EIF4H: variants seen among roughly 807,000 people sequenced by gnomAD.
EIF4H encodes Williams-Beuren syndrome chromosome region 1.
A neutral mutation model predicts 30.6 loss-of-function variants in EIF4H; 8 were observed. The ratio of observed to expected loss-of-function variants is 0.26; its 90% CI spans 0.15 to 0.47. The LOEUF (loss-of-function observed/expected upper bound fraction) is 0.47. EIF4H is among the 20% of genes least tolerant of loss of function. The pLI, the probability that EIF4H is intolerant of heterozygous loss-of-function variation, is 0.99. For missense variants in EIF4H, 188 were observed against 339.5 expected (o/e 0.55, Z 3.51); for synonymous variants, 106 against 122.7 (o/e 0.86, Z 0.90).
Position 74,190,289 on chromosome 7 carries a change from G to T in EIF4H, c.452G>T (p.Arg151Leu), listed in dbSNP as rs61732247. ...GAATCTAGAGGTGGATGGGATTCCC[G>T]GGATGACTTCAATTCTGGTATCAGT... is the stretch of plus-strand genomic sequence containing the variant. Reference protein sequence around the residue: ...SRESRGGWDSRDDFNSGFRDD... With the variant: ...SRESRGGWDSLDDFNSGFRDD... Residue 151 changes from arginine (R) to leucine (L), a missense_variant, in exon 5 of 7, where the codon CGG (arginine) becomes CTG (leucine). Arg to Leu is a moderately radical substitution (Grantham distance 102). Coordinates refer to ENST00000265753, the MANE Select transcript of EIF4H (RefSeq NM_022170.2). The T allele has an allele frequency of 6.2e-7, 1 of 1,614,022 alleles. No homozygotes were observed. Among genetic ancestry groups the T allele is most frequent in the African/African-American group, 1.3e-5 (1 of 74,924 alleles).
intron 1 of EIF4H, among the ~76,000 whole-genome samples, chr7:74,183,476 A>T (rs1563949985): frequency 6.6e-6 from 1 of 152,226 alleles, no homozygotes; most frequent in Non-Finnish European, 1.5e-5. Context: ...TCAAGATTGA[A>T]ATATAACAGA....
intron 1 of EIF4H, among the ~76,000 whole-genome samples, chr7:74,175,856 G>A (rs544447029): frequency 2.0e-5 from 3 of 152,090 alleles, no homozygotes; most frequent in Non-Finnish European, 4.4e-5. Context: ...AACTGAGTGT[G>A]GGGATTTAAA....
At chr7:74,176,586 G>T (rs1800846515) in intron 1 of EIF4H, among the ~76,000 whole-genome samples, 1 of 152,060 alleles carries the variant, frequency 6.6e-6, no homozygotes, top group Non-Finnish European at 1.5e-5. Flanking sequence ...GAATTACTTG[G>T]GTCACAGGTG....
chr7:74,188,556 AC>A (rs1366102776), intron 2 of EIF4H, among the ~76,000 whole-genome samples: 1 of 152,124 alleles, frequency 6.6e-6, no homozygotes, highest in African/African-American at 2.4e-5. Flanking sequence ...TGTCGGTGGC[AC>A]TCTTACTCTT....
intron 1 of EIF4H, among the ~76,000 whole-genome samples, chr7:74,184,164 A>G (rs1464978909): frequency 6.6e-6 from 1 of 152,164 alleles, no homozygotes; most frequent in Non-Finnish European, 1.5e-5. Context: ...TTTGCCCCAA[A>G]CTAGATTTTT....
intron 1 of EIF4H, among the ~76,000 whole-genome samples, chr7:74,187,209 C>T (rs969201227): frequency 1.3e-5 from 2 of 152,092 alleles, no homozygotes; most frequent in African/African-American, 4.8e-5. Flanking sequence ...GCAGGCAGAC[C>T]ACCTGAGGTC....
chr7:74,174,527 G>T, intron 1 of EIF4H, 85 bp downstream of exon 1: 1 of 1,165,662 alleles, frequency 8.6e-7, no homozygotes, highest in Non-Finnish European at 1.1e-6. Flanking sequence ...CCTGCGCTCA[G>T]CCGGGGCGGC....
rs1554710784 is a variant in EIF4H, at chr7:74,196,446, C to T, written c.*1138C>T. On this transcript the variant is annotated 3_prime_UTR_variant, in exon 7 of 7. Transcript: ENST00000265753. The stretch of plus-strand genomic sequence containing the variant: ...AGTAGAGGACTGCAGCTGTCTAGGT[C>T]TGCGGCCACATCTTGGGGACACACT... 1 of 152,702 alleles carries T rather than the reference C, an allele frequency of 6.5e-6. No homozygotes were observed. Among genetic ancestry groups the T allele is most frequent in the Non-Finnish European group, 1.5e-5 (1 of 68,112 alleles). The allele number at this position is 152,702 out of a possible 1,614,324, so 9.5% of individuals were successfully genotyped here. A position where few individuals can be genotyped will look rare whatever the true frequency, so the allele number is the denominator to read the frequency against.
chr7:74,180,789 C>T (rs1554708299), intron 1 of EIF4H, among the ~76,000 whole-genome samples: 1 of 152,232 alleles, frequency 6.6e-6, no homozygotes, highest in Admixed American at 6.5e-5. Flanking sequence ...TCTTAAGTCT[C>T]TGGGACTGCT....
chr7:74,176,285 T>C (rs1800836537), intron 1 of EIF4H, among the ~76,000 whole-genome samples: 1 of 151,812 alleles, frequency 6.6e-6, no homozygotes, highest in African/African-American at 2.4e-5. Flanking sequence ...TTGCCCAAGC[T>C]GGAGTGCAAT....
intron 1 of EIF4H, among the ~76,000 whole-genome samples, chr7:74,175,084 G>A (rs141375582): frequency 6.6e-6 from 1 of 152,236 alleles, no homozygotes; most frequent in Non-Finnish European, 1.5e-5. Flanking sequence ...TGCCTTGACA[G>A]GTGCTACGTG....
intron 1 of EIF4H, among the ~76,000 whole-genome samples, chr7:74,178,761 G>T (rs1472431258): frequency 6.6e-6 from 1 of 152,160 alleles, no homozygotes; most frequent in East Asian, 1.9e-4. Flanking sequence ...GGCATGAAAT[G>T]AGTGTGATTG....
intron 1 of EIF4H, among the ~76,000 whole-genome samples, chr7:74,177,070 G>T (rs958018765): frequency 2.0e-5 from 3 of 152,140 alleles, no homozygotes; most frequent in Non-Finnish European, 4.4e-5. Context: ...CTAAAAACTG[G>T]CAAAACTCCA....
chr7:74,189,571 C>A, intron 2 of EIF4H, 102 bp from the exon 3 acceptor site: 1 of 1,344,104 alleles, frequency 7.4e-7, no homozygotes, highest in Non-Finnish European at 1.0e-6. Context: ...ATCTAGACAA[C>A]AGAATGGTAG....
At chr7:74,194,113 A>G (rs915067756) in intron 5 of EIF4H, among the ~76,000 whole-genome samples, 9 of 152,230 alleles carry the variant, frequency 5.9e-5, no homozygotes, top group African/African-American at 1.9e-4. Context: ...TTGCCCCCAC[A>G]GGAGGCGCCG....
At chr7:74,192,633 C>T (rs1249491768) in intron 5 of EIF4H, among the ~76,000 whole-genome samples, 9 of 146,086 alleles carry the variant, frequency 6.2e-5, no homozygotes, top group Non-Finnish European at 1.2e-4. Context: ...ACAACATTTT[C>T]GTCAGCTGAT....
chr7:74,182,810 C>T (rs1554708612), intron 1 of EIF4H, among the ~76,000 whole-genome samples: 1 of 152,192 alleles, frequency 6.6e-6, no homozygotes, highest in Non-Finnish European at 1.5e-5. Context: ...TCTCAGTCTC[C>T]TTTGACACCT....
chr7:74,190,902 A>G (rs1801192580), intron 5 of EIF4H, among the ~76,000 whole-genome samples: 1 of 152,216 alleles, frequency 6.6e-6, no homozygotes, highest in Non-Finnish European at 1.5e-5. Context: ...TTTTTAAATT[A>G]CAAAAGTATA....
intron 5 of EIF4H, 152 bp downstream of exon 5, chr7:74,190,458 C>A: frequency 1.4e-6 from 1 of 738,116 alleles, no homozygotes; most frequent in Non-Finnish European, 2.2e-6. Flanking sequence ...TGCAAGTAAG[C>A]CTCTGTTAGA....
Sources: allele counts gnomAD v4.1 joint callset (sites outside exome capture counted in the v4.1 genomes callset), GRCh38; gene constraint gnomAD v4.1.1; transcripts MANE v1.5; gene names NCBI Gene and HGNC (gene_info 2026-07-23, HGNC 2026-07-21).